Variants in PDE1C observed in about 807,000 individuals in gnomAD.
The protein encoded by PDE1C is dual specificity calcium/calmodulin-dependent 3',5'-cyclic nucleotide phosphodiesterase 1C.
Under a neutral mutation model 93.1 loss-of-function variants are expected in PDE1C, and 62 were observed. The ratio of observed to expected loss-of-function variants is 0.67; its 90% CI spans 0.54 to 0.82. PDE1C has a LOEUF of 0.82. PDE1C is among the 40% of genes least tolerant of loss of function. The pLI is 0.00. For synonymous variants in PDE1C, 325 were observed against 310.1 expected (o/e 1.05, Z -0.50); for missense variants, 742 against 884.6 (o/e 0.84, Z 2.04).
chr7:32,382,696 C>T (rs192496576), intron 1 of PDE1C, among the ~76,000 whole-genome samples: 131 of 152,316 alleles, frequency 8.6e-4, no homozygotes, highest in African/African-American at 2.8e-3. Flanking sequence ...TTTCAGTGTG[C>T]GAGCACTTCC....
intron 2 of PDE1C, among the ~76,000 whole-genome samples, chr7:32,184,437 T>C (rs12701179): frequency 0.075 from 11,487 of 152,232 alleles, 671 homozygotes; most frequent in East Asian, 0.33. Flanking sequence ...TAAGAAAATG[T>C]GGCACATATA....
intron 14 of PDE1C, among the ~76,000 whole-genome samples, chr7:31,819,789 A>G (rs1190456627): frequency 1.3e-5 from 2 of 152,116 alleles, no homozygotes; most frequent in Non-Finnish European, 2.9e-5. Context: ...GTATTGGGCT[A>G]ATTATCCCTT....
At chr7:31,998,026 A>ATTTT (rs1173171560) in intron 2 of PDE1C, among the ~76,000 whole-genome samples, 4 of 148,590 alleles carry the variant, frequency 2.7e-5, no homozygotes, top group African/African-American at 7.4e-5. Flanking sequence ...TTATTTATTT[A>ATTTT]TTTATTTTTT....
At chr7:32,139,546 T>C (rs1173165590) in intron 3 of PDE1C, among the ~76,000 whole-genome samples, 2 of 152,120 alleles carry the variant, frequency 1.3e-5, no homozygotes. Context: ...TTTGACGTAC[T>C]CAGATGCTCC....
chr7:32,307,663 C>G (rs749089179), intron 1 of PDE1C, among the ~76,000 whole-genome samples: 3 of 152,172 alleles, frequency 2.0e-5, no homozygotes, highest in Non-Finnish European at 2.9e-5. Flanking sequence ...GAGTTGGAAC[C>G]TTTCTACCTT....
chr7:32,229,476 G>C (rs1807530125), intron 1 of PDE1C, among the ~76,000 whole-genome samples: 1 of 152,222 alleles, frequency 6.6e-6, no homozygotes, highest in South Asian at 2.1e-4. Flanking sequence ...GGAGTACCCT[G>C]TTGGTCAGTG....
At chr7:31,967,563 C>G (rs1810213829) in intron 2 of PDE1C, among the ~76,000 whole-genome samples, 1 of 152,204 alleles carries the variant, frequency 6.6e-6, no homozygotes, top group Non-Finnish European at 1.5e-5. Flanking sequence ...CCTTCTAAAA[C>G]TATTCCAATC....
chr7:32,354,880 G>A (rs1261593376), intron 1 of PDE1C, among the ~76,000 whole-genome samples: 1 of 152,196 alleles, frequency 6.6e-6, no homozygotes, highest in African/African-American at 2.4e-5. Flanking sequence ...AGGCCTAAGG[G>A]CCCTGATGAC....
chr7:31,718,339 T>C, the PDE1C span, among the ~76,000 whole-genome samples: 15 of 151,732 alleles, frequency 9.9e-5, no homozygotes, highest in East Asian at 1.4e-3. Context: ...AACCTCAGGA[T>C]GCATGGATAG....
intron 1 of PDE1C, among the ~76,000 whole-genome samples, chr7:32,380,217 C>CCTCT (rs373732159): frequency 1.3e-5 from 2 of 151,568 alleles, no homozygotes; most frequent in African/African-American, 4.9e-5. Context: ...CCACTTCCAT[C>CCTCT]CTCTCTCTCT....
chr7:31,916,934 G>A (rs901052427), intron 2 of PDE1C, among the ~76,000 whole-genome samples: 7 of 152,140 alleles, frequency 4.6e-5, no homozygotes, highest in African/African-American at 1.7e-4. Flanking sequence ...GATGCTGAGA[G>A]GGGTTTGACA....
At chr7:32,168,063 A>G (rs867031087) in intron 3 of PDE1C, among the ~76,000 whole-genome samples, 3 of 152,168 alleles carry the variant, frequency 2.0e-5, no homozygotes, top group African/African-American at 7.2e-5. Flanking sequence ...ATAGTTACAA[A>G]ATAGTACACA....
At chr7:31,719,998 T>C in the PDE1C span, among the ~76,000 whole-genome samples, 1 of 151,038 alleles carries the variant, frequency 6.6e-6, no homozygotes, top group African/African-American at 2.4e-5. Context: ...CCGTCTCTAC[T>C]AAAAAATACA....
At chr7:31,956,726 G>C (rs1808207817) in intron 2 of PDE1C, among the ~76,000 whole-genome samples, 1 of 151,332 alleles carries the variant, frequency 6.6e-6, no homozygotes, top group Non-Finnish European at 1.5e-5. Context: ...TAGCTCACTT[G>C]TTTTCCAAAA....
At chr7:31,978,986 A>T (rs1038470472) in intron 2 of PDE1C, among the ~76,000 whole-genome samples, 1 of 152,136 alleles carries the variant, frequency 6.6e-6, no homozygotes, top group Non-Finnish European at 1.5e-5. Flanking sequence ...ATGATGCCAC[A>T]CTTGTTTATA....
At chr7:31,780,070 C>T (rs1783290686) in intron 16 of PDE1C, among the ~76,000 whole-genome samples, 1 of 152,170 alleles carries the variant, frequency 6.6e-6, no homozygotes, top group Non-Finnish European at 1.5e-5. Flanking sequence ...ATCCTGGCTA[C>T]ATATTAGAAT....
intron 7 of PDE1C, among the ~76,000 whole-genome samples, chr7:31,857,486 C>T (rs1794164018): frequency 6.6e-6 from 1 of 152,110 alleles, no homozygotes; most frequent in South Asian, 2.1e-4. Context: ...TTGTATTCTG[C>T]CTTATCTTCT....
upstream of PDE1C, among the ~76,000 whole-genome samples, chr7:32,300,177 G>A (rs891352261): frequency 1.3e-5 from 2 of 152,118 alleles, no homozygotes; most frequent in Non-Finnish European, 2.9e-5. Flanking sequence ...AAGCCTACTG[G>A]AACCCAGGTT....
the PDE1C span, among the ~76,000 whole-genome samples, chr7:31,683,423 C>CT: frequency 1.1e-3 from 73 of 64,268 alleles, no homozygotes; most frequent in East Asian, 0.025. Flanking sequence ...TAAATATTTT[C>CT]TATTTTTTTT....
Sources: gnomAD v4.1 joint callset for allele counts (sites outside exome capture counted in the v4.1 genomes callset) on GRCh38, gnomAD v4.1.1 for gene constraint, MANE v1.5 for transcripts, NCBI Gene and HGNC (gene_info 2026-07-23, HGNC 2026-07-21) for gene names.